ADAMTSL2: variants seen among roughly 807,000 people sequenced by gnomAD.
ADAMTSL2 encodes the protein ADAMTS like 2, also known as ADAMTS-like protein 2.
A neutral mutation model predicts 117.0 loss-of-function variants in ADAMTSL2; 55 were observed. That is an observed-to-expected ratio of 0.47 (90% CI 0.38 to 0.59). The LOEUF is 0.59. Among genes scored for constraint, ADAMTSL2 ranks in the 20% least tolerant of loss-of-function variants. The pLI is 0.00. For synonymous variants in ADAMTSL2, 572 were observed against 566.4 expected, an observed-to-expected ratio of 1.01 and a Z score of -0.14; for missense variants, 1,182 against 1,354.5, an observed-to-expected ratio of 0.87 and a Z score of 2.00.
intron 18 of ADAMTSL2, 61 bp downstream of exon 18, chr9:133,574,048 C>A: frequency 6.4e-7 from 1 of 1,560,308 alleles, no homozygotes; most frequent in South Asian, 1.2e-5. Context: ...AGGACAGAGT[C>A]AGGGCCTGAG....
At chr9:133,566,810 G>A in intron 12 of ADAMTSL2, 126 bp from the exon 13 acceptor site, 1 of 1,296,742 alleles carries the variant, frequency 7.7e-7, no homozygotes, top group South Asian at 1.3e-5. Context: ...TGCACAAGCT[G>A]TGACTGATCC....
At chr9:133,544,923 G>C (rs1468899469) in intron 8 of ADAMTSL2, among the ~76,000 whole-genome samples, 2 of 152,336 alleles carry the variant, frequency 1.3e-5, no homozygotes, top group East Asian at 3.9e-4. Flanking sequence ...ACAAGGTCAA[G>C]GTAGCACTGA....
chr9:133,540,648 G>A lies in ADAMTSL2; in HGVS notation c.463G>A (p.Val155Met), dbSNP rs548505359. ...ACCGTGTGACCTGCACTGTACCACC[G>A]TGGACGGCCAGCGGCAGCTCATGGT... ...SKPCDLHCTT[V>M]DGQRQLMVPA... The change falls in exon 6 of 19, where the codon GTG becomes ATG. Residue 155 changes from valine to methionine, a missense_variant. Transcript: ENST00000651351. 1.1e-4 allele frequency: 172 copies of A among 1,613,686 alleles called. 1 individual carries two copies. In the Middle Eastern group the frequency reaches 2.6e-3, roughly 25 times the overall value.
chr9:133,541,057 C>G, intron 7 of ADAMTSL2, 56 bp downstream of exon 7: 1 of 1,578,282 alleles, frequency 6.3e-7, no homozygotes, highest in Non-Finnish European at 8.6e-7. Context: ...AATCGGGGGT[C>G]CTGAGTGTGC....
At chr9:133,560,617 G>A (rs1830704427) in intron 11 of ADAMTSL2, among the ~76,000 whole-genome samples, 1 of 152,256 alleles carries the variant, frequency 6.6e-6, no homozygotes, top group Non-Finnish European at 1.5e-5. Flanking sequence ...GACCCCAGCA[G>A]GTCCGTGCAG....
intron 9 of ADAMTSL2, among the ~76,000 whole-genome samples, chr9:133,547,434 C>T (rs544662034): frequency 2.6e-5 from 4 of 152,392 alleles, no homozygotes; most frequent in East Asian, 1.9e-4. Flanking sequence ...TTCATTCACT[C>T]GGATTTTGGT....
At chr9:133,565,284 G>A (rs1445085943) in intron 12 of ADAMTSL2, among the ~76,000 whole-genome samples, 1 of 152,320 alleles carries the variant, frequency 6.6e-6, no homozygotes, top group East Asian at 1.9e-4. Flanking sequence ...CCCATTTCGG[G>A]AAGGAGCATG....
chr9:133,540,819 G>T, intron 6 of ADAMTSL2, 59 bp from the exon 7 acceptor site: 1 of 1,613,136 alleles, frequency 6.2e-7, no homozygotes, highest in Non-Finnish European at 8.5e-7. Flanking sequence ...AGGCAGTGGC[G>T]GCCCCGGGGC....
At position 133,544,522 on chromosome 9, in the gene ADAMTSL2, A is replaced by G; in HGVS notation, c.735A>G (p.Val245=). ...IPAGARDIQI[V]ERKKSADVLA... Reference sequence around the variant, plus strand: ...CTGGTGCCCGAGACATCCAGATTGTAGAGAGGAAGAAGTCCGCTGACGTGC... The same window carrying G: ...CTGGTGCCCGAGACATCCAGATTGTGGAGAGGAAGAAGTCCGCTGACGTGC... Residue 245 remains valine (V), a synonymous_variant, in exon 8 of 19, where the codon GTA becomes GTG. Coordinates refer to ENST00000651351, the MANE Select transcript of ADAMTSL2 (RefSeq NM_014694.4). 1 of 1,614,138 alleles carries G rather than the reference A, an allele frequency of 6.2e-7. No homozygotes were observed. The highest frequency in any genetic ancestry group is 8.5e-7 in the Non-Finnish European group (1 of 1,180,012).
chr9:133,543,489 C>G (rs1477633154), intron 7 of ADAMTSL2, among the ~76,000 whole-genome samples: 1 of 152,270 alleles, frequency 6.6e-6, no homozygotes, highest in African/African-American at 2.4e-5. Flanking sequence ...GTCACAGCTC[C>G]TGTTCCCCTG....
In ADAMTSL2 at chr9:133,554,498, A is replaced by C; in HGVS notation, c.1081A>C (p.Met361Leu). 1 of 1,550,638 alleles carries C rather than the reference A, an allele frequency of 6.4e-7. No homozygotes were observed. Among genetic ancestry groups the C allele is most frequent in the Non-Finnish European group, 8.7e-7 (1 of 1,147,492 alleles). The change falls in exon 10 of 19, where the codon ATG becomes CTG. Residue 361 changes from methionine to leucine, a missense_variant. By Grantham distance (15) the Met-to-Leu change is conservative. Coordinates refer to ENST00000651351, the MANE Select transcript of ADAMTSL2 (RefSeq NM_014694.4). This position sits in a 1 kb window ranked among gnomAD's most constrained non-coding sequence, Gnocchi z 5.2. ...CCAGGGCCTGGACGGGGCCGGGCTG[A>C]TGGGCTTCGTCCCGCACAACGGCTC... ...ESQGLDGAGL[M>L]GFVPHNGSLY...
At chr9:133,537,016 C>T (rs1443970071) in intron 2 of ADAMTSL2, among the ~76,000 whole-genome samples, 1 of 152,212 alleles carries the variant, frequency 6.6e-6, no homozygotes. Flanking sequence ...ACTTGGCAGG[C>T]GAGGGCTGAG....
At chr9:133,564,631 A>AGG (rs1830910924) in intron 12 of ADAMTSL2, among the ~76,000 whole-genome samples, 1 of 48,404 alleles carries the variant, frequency 2.1e-5, no homozygotes, top group Non-Finnish European at 4.8e-5. Context: ...AGAGGGAGAG[A>AGG]GAGAGAGAGG....
At chr9:133,548,660 C>A (rs900586543) in intron 9 of ADAMTSL2, among the ~76,000 whole-genome samples, 1 of 152,128 alleles carries the variant, frequency 6.6e-6, no homozygotes, top group South Asian at 2.1e-4. Context: ...CAAGTTGGGG[C>A]AGGAGGGCAT....
rs1341801582 is a variant in ADAMTSL2, at chr9:133,562,558, C to T, written c.1747+1263C>T. Among the ~76,000 whole-genome samples the T allele has an allele frequency of 4.0e-5, 4 of 100,690 alleles. 1 individual carries two copies. Among genetic ancestry groups the T allele is most frequent in the East Asian group, 2.2e-4 (1 of 4,498 alleles). The allele number at this position is 100,690 out of a possible 152,430, so 66.1% of individuals were successfully genotyped here. Reference sequence around the variant, plus strand: ...TGGGCCCGGCTCGCACCGCCGTGGGCGGCGTGGCGGGCACCCTGCTGGGCC... The same window carrying T: ...TGGGCCCGGCTCGCACCGCCGTGGGTGGCGTGGCGGGCACCCTGCTGGGCC... On this transcript the variant is annotated intron_variant, in intron 12 of 18. Coordinates refer to ENST00000651351, the MANE Select transcript of ADAMTSL2 (RefSeq NM_014694.4).
Position 133,535,019 on chromosome 9 carries a change from G to A in ADAMTSL2, c.-151+102G>A. Reference sequence around the variant, plus strand: ...GTAGGAGCACCCCGCGCCCTCTGGAGCCGTTACATAACGTGGGGAGGCTTG... The same window carrying A: ...GTAGGAGCACCCCGCGCCCTCTGGAACCGTTACATAACGTGGGGAGGCTTG... On this transcript the variant is annotated intron_variant, in intron 1 of 18. Transcript: ENST00000651351. The A allele has an allele frequency of 4.6e-6, 6 of 1,298,578 alleles. No individual in the cohort carries two copies. In the South Asian group the frequency reaches 1.4e-4, roughly 29 times the overall value. 80.4% of individuals were successfully genotyped at this position (1,298,578 alleles called of 1,614,324 possible).
At chr9:133,533,196 T>TGTGC (rs1554809544), upstream of ADAMTSL2, among the ~76,000 whole-genome samples, 14 of 146,554 alleles carry the variant, frequency 9.6e-5, no homozygotes, top group African/African-American at 3.3e-4. Flanking sequence ...TGTGTGTGTG[T>TGTGC]GCTGGGTGAC....
chr9:133,540,556 C>A (rs72779243), intron 5 of ADAMTSL2, 42 bp from the exon 6 acceptor site: 136 of 1,609,594 alleles, frequency 8.4e-5, no homozygotes, highest in Non-Finnish European at 1.1e-4. Context: ...TCCGGCATTT[C>A]CTGCCCCGCT....
At chr9:133,538,938 G>A (rs944094010) in intron 4 of ADAMTSL2, among the ~76,000 whole-genome samples, 5 of 152,220 alleles carry the variant, frequency 3.3e-5, no homozygotes, top group African/African-American at 1.2e-4. Context: ...GTGGGGCCCT[G>A]GGCAGTTGGA....
Sources: gnomAD v4.1 joint callset for allele counts (sites outside exome capture counted in the v4.1 genomes callset) on GRCh38, gnomAD v4.1.1 for gene constraint, Gnocchi (gnomAD v3.1) non-coding constraint, MANE v1.5 for transcripts, NCBI Gene and HGNC (gene_info 2026-07-23, HGNC 2026-07-21) for gene names.